Variants in SLC9A7 observed in about 807,000 individuals in gnomAD.
SLC9A7 encodes the protein sodium/hydrogen exchanger 7.
In SLC9A7, 19 loss-of-function variants were observed where a neutral mutation model predicts 52.6. That is an observed-to-expected ratio of 0.36 (90% CI 0.25 to 0.53). SLC9A7 has a LOEUF of 0.53. Ranked by LOEUF, SLC9A7 falls within the 20% of genes least tolerant of loss-of-function variation. SLC9A7 has a pLI of 0.91. For synonymous variants in SLC9A7, 226 were observed against 252.1 expected, an observed-to-expected ratio of 0.90 and a Z score of 0.98; for missense variants, 455 against 597.9, an observed-to-expected ratio of 0.76 and a Z score of 2.49.
intron 15 of SLC9A7, among the ~76,000 whole-genome samples, chrX:46,618,264 G>A (rs868430289): frequency 4.5e-5 from 5 of 111,764 alleles, no homozygotes; most frequent in Middle Eastern, 4.6e-3. Context: ...AGAGAAAACA[G>A]TCAAGACTAA....
intron 3 of SLC9A7, among the ~76,000 whole-genome samples, chrX:46,678,372 G>A (rs1944152800): frequency 9.1e-6 from 1 of 110,408 alleles, no homozygotes; most frequent in African/African-American, 3.3e-5. Context: ...GAGAGGGAGG[G>A]AGCCATCCAT....
chrX:46,633,572 A>G (rs753003865), intron 13 of SLC9A7, among the ~76,000 whole-genome samples: 5 of 109,296 alleles, frequency 4.6e-5, no homozygotes, highest in African/African-American at 1.7e-4. Flanking sequence ...GCCCAGAACC[A>G]AACTGATCTC....
chrX:46,607,732 T>A (rs1942773866), intron 16 of SLC9A7, among the ~76,000 whole-genome samples: 1 of 111,056 alleles, frequency 9.0e-6, no homozygotes, highest in Admixed American at 9.6e-5. Context: ...AGGAAAACCC[T>A]GATAGGAAGC....
chrX:46,734,881 T>G (rs1018436121), intron 1 of SLC9A7, among the ~76,000 whole-genome samples: 5 of 111,989 alleles, frequency 4.5e-5, no homozygotes, highest in Non-Finnish European at 7.5e-5. Flanking sequence ...TAAATACCAG[T>G]TTTCCACCTC....
At chrX:46,744,946 T>G (rs1921632435) in intron 1 of SLC9A7, among the ~76,000 whole-genome samples, 1 of 108,758 alleles carries the variant, frequency 9.2e-6, no homozygotes, top group Admixed American at 1.0e-4. Context: ...CAAGACAACT[T>G]TAAAATGGTA....
chrX:46,756,768 C>T (rs1013472698), intron 1 of SLC9A7, among the ~76,000 whole-genome samples: 24 of 112,051 alleles, frequency 2.1e-4, no homozygotes, highest in African/African-American at 7.8e-4. Context: ...GATGATATTG[C>T]CTTTTCTGAA....
chrX:46,621,161 T>A, intron 14 of SLC9A7, 102 bp from the exon 15 acceptor site: 1 of 452,010 alleles, frequency 2.2e-6, no homozygotes. Context: ...CTGGAGCTCA[T>A]AGTCAAACAT....
At chrX:46,660,266 C>T (rs1435739577) in intron 7 of SLC9A7, among the ~76,000 whole-genome samples, 1 of 110,834 alleles carries the variant, frequency 9.0e-6, no homozygotes, top group Non-Finnish European at 1.9e-5. Context: ...CCATAAAAAC[C>T]CTAGAAGAAA....
At chrX:46,735,503 T>A (rs765883674) in intron 1 of SLC9A7, among the ~76,000 whole-genome samples, 2 of 112,481 alleles carry the variant, frequency 1.8e-5, no homozygotes, top group East Asian at 2.8e-4. Context: ...TTTTATTTTT[T>A]AAAAATCACT....
chrX:46,653,757 AG>A (rs1440343700), intron 7 of SLC9A7, 43 bp from the exon 8 acceptor site: 1 of 1,014,434 alleles, frequency 9.9e-7, no homozygotes, highest in East Asian at 3.1e-5. Context: ...TACATGTATC[AG>A]GGCCACCAAG....
In SLC9A7 at chrX:46,607,051, G is replaced by T; in HGVS notation, c.2082C>A (p.Ser694Arg). 1 of 1,211,788 alleles carries T rather than the reference G, an allele frequency of 8.3e-7. No homozygotes were observed. The change falls in exon 17 of 17, where the codon AGC (serine) becomes AGA (arginine). Residue 694 changes from serine to arginine, a missense_variant. By Grantham distance (110) the Ser-to-Arg change is moderately radical. Transcript: ENST00000616978. ...CTCGCTCCAGCACTTCCTCCGAGCT[G>T]CTCTTCGTTCTCCGGCTGCCCTCCA... ...TSLEGSRRTK[S>R]SSEEVLERDL...
intron 1 of SLC9A7, among the ~76,000 whole-genome samples, chrX:46,707,779 G>A (rs62593973): frequency 3.9e-4 from 44 of 112,095 alleles, no homozygotes; most frequent in Non-Finnish European, 7.2e-4. Context: ...TCTTTCTGTC[G>A]TCCAGGCTGG....
chrX:46,648,538 T>C (rs1943529379), intron 11 of SLC9A7, 148 bp downstream of exon 11: 1 of 455,860 alleles, frequency 2.2e-6, no homozygotes, highest in African/African-American at 2.4e-5. Context: ...ACTGAACATG[T>C]ACATCTGTCT....
At position 46,668,019 on chromosome X, in the gene SLC9A7, C is replaced by T. The variant is rs138857515; in HGVS notation, c.793+1588G>A. Among the ~76,000 whole-genome samples, 342 of 111,923 alleles carry T rather than the reference C, an allele frequency of 3.1e-3. 1 individual carries two copies. The highest frequency in any genetic ancestry group is 0.011 in the African/African-American group (331 of 30,793). On this transcript the variant is annotated intron_variant, in intron 5 of 16. Coordinates refer to ENST00000616978, the MANE Select transcript of SLC9A7 (RefSeq NM_001257291.2). ...AACCATGTCACAGTGCACAGTCCTG[C>T]AGGAATGCCGCACAAAAGGAGTTTA... is the stretch of plus-strand genomic sequence containing the variant.
intron 1 of SLC9A7, among the ~76,000 whole-genome samples, chrX:46,686,775 G>A (rs1022935672): frequency 8.9e-6 from 1 of 111,989 alleles, no homozygotes; most frequent in Non-Finnish European, 1.9e-5. Context: ...AATGTCAGCT[G>A]ATAAAGAGAC....
chrX:46,732,872 T>C (rs779206126), intron 1 of SLC9A7, among the ~76,000 whole-genome samples: 10 of 111,780 alleles, frequency 8.9e-5, no homozygotes, highest in Non-Finnish European at 1.3e-4. Context: ...AACAATAGAA[T>C]ACCACGCAGC....
intron 1 of SLC9A7, among the ~76,000 whole-genome samples, chrX:46,696,736 AG>A (rs200640245): frequency 0.014 from 1,533 of 112,070 alleles, 8 homozygotes; most frequent in Non-Finnish European, 0.022. Flanking sequence ...CAAAAACAAT[AG>A]TGACTGCTAG....
rs1942624070 is a variant in SLC9A7, at chrX:46,599,348, G to A, written c.*7604C>T. The A allele has an allele frequency of 8.9e-6, 1 of 111,877 alleles. No homozygotes were observed. The allele number at this position is 111,877 out of a possible 1,213,427, so 9.2% of individuals were successfully genotyped here. ...CCAACCCCAGGCCTAAAGAAAGCTGGAGAGGAATAGCTTACACCCAGAAAA... is the reference window on the plus strand; with the variant it reads ...CCAACCCCAGGCCTAAAGAAAGCTGAAGAGGAATAGCTTACACCCAGAAAA... On this transcript the variant is annotated 3_prime_UTR_variant, in exon 17 of 17. Coordinates refer to ENST00000616978, the MANE Select transcript of SLC9A7 (RefSeq NM_001257291.2).
chrX:46,634,082 G>A (rs1187605778), intron 13 of SLC9A7, among the ~76,000 whole-genome samples: 1 of 111,709 alleles, frequency 9.0e-6, no homozygotes, highest in Non-Finnish European at 1.9e-5. Context: ...TCTCTCTCCT[G>A]ACCTGGTATA....
Sources: allele counts gnomAD v4.1 joint callset (sites outside exome capture counted in the v4.1 genomes callset), GRCh38; gene constraint gnomAD v4.1.1; transcripts MANE v1.5; gene names NCBI Gene and HGNC (gene_info 2026-07-23, HGNC 2026-07-21).